Variants in CA10 observed in about 807,000 individuals in gnomAD.
CA10 encodes the protein carbonic anhydrase-related protein 10.
Under a neutral mutation model 44.2 loss-of-function variants are expected in CA10, and 14 were observed. The observed-to-expected ratio is 0.32, with a 90% CI of 0.21 to 0.50. The LOEUF (loss-of-function observed/expected upper bound fraction) is 0.50. CA10 is among the 20% of genes least tolerant of loss of function. The pLI, the probability that CA10 is intolerant of heterozygous loss-of-function variation, is 0.99. For missense variants in CA10, 350 were observed against 409.7 expected (o/e 0.85, Z 1.26); for synonymous variants, 159 against 141.6 (o/e 1.12, Z -0.87).
At chr17:51,919,407 G>A (rs1191037189) in intron 3 of CA10, among the ~76,000 whole-genome samples, 2 of 151,986 alleles carry the variant, frequency 1.3e-5, no homozygotes, top group Admixed American at 6.6e-5. Flanking sequence ...GACTGTTTCT[G>A]CCGCTGTCCA....
chr17:52,052,862 G>T (rs1022575236), intron 2 of CA10, among the ~76,000 whole-genome samples: 23 of 151,946 alleles, frequency 1.5e-4, no homozygotes, highest in African/African-American at 4.8e-4. Flanking sequence ...TATGGCATTT[G>T]CTCCCATATT....
intron 2 of CA10, among the ~76,000 whole-genome samples, chr17:51,934,574 C>T (rs981291272): frequency 2.6e-5 from 4 of 152,068 alleles, no homozygotes; most frequent in African/African-American, 4.8e-5. Context: ...TCTAAATAAA[C>T]TTAGGATTTT....
intron 4 of CA10, among the ~76,000 whole-genome samples, chr17:51,683,223 G>T (rs1914902592): frequency 6.6e-6 from 1 of 152,174 alleles, no homozygotes; most frequent in Non-Finnish European, 1.5e-5. Flanking sequence ...GACAAGATGG[G>T]TTTAAAATTT....
chr17:52,138,604 TG>T (rs1176317964), intron 1 of CA10, among the ~76,000 whole-genome samples: 1 of 152,198 alleles, frequency 6.6e-6, no homozygotes, highest in Non-Finnish European at 1.5e-5. Context: ...CAAGCAGGTT[TG>T]ATATCAAATC....
chr17:52,032,778 T>C (rs1986506313), intron 2 of CA10, among the ~76,000 whole-genome samples: 1 of 152,134 alleles, frequency 6.6e-6, no homozygotes, highest in Non-Finnish European at 1.5e-5. Flanking sequence ...ATCTCAGATT[T>C]GCCAGGGAGA....
chr17:51,676,135 G>T (rs1372914538), intron 4 of CA10, among the ~76,000 whole-genome samples: 2 of 152,158 alleles, frequency 1.3e-5, no homozygotes, highest in South Asian at 2.1e-4. Flanking sequence ...GTTATTTTGG[G>T]TATATACCTA....
chr17:51,635,770 C>A, intron 7 of CA10, 85 bp downstream of exon 7: 1 of 1,076,428 alleles, frequency 9.3e-7, no homozygotes. Flanking sequence ...TCCTAGTAAA[C>A]TATTATAATA....
intron 2 of CA10, among the ~76,000 whole-genome samples, chr17:52,026,819 T>C (rs1183297448): frequency 6.6e-6 from 1 of 152,050 alleles, no homozygotes; most frequent in Non-Finnish European, 1.5e-5. Context: ...TTATGGGAAC[T>C]ACAATTCAAT....
intron 2 of CA10, among the ~76,000 whole-genome samples, chr17:52,046,077 A>C (rs1986903858): frequency 6.6e-6 from 1 of 152,076 alleles, no homozygotes; most frequent in African/African-American, 2.4e-5. Context: ...TTGCTAATGT[A>C]GTACCTACAG....
intron 3 of CA10, among the ~76,000 whole-genome samples, chr17:51,828,523 T>C (rs900209000): frequency 4.6e-5 from 7 of 152,090 alleles, no homozygotes; most frequent in Non-Finnish European, 8.8e-5. Flanking sequence ...ATTGGGTAGA[T>C]ACTAAAAAAA....
rs559627648 is a variant in CA10 at position 51,884,024 on chromosome 17, T to C, written c.279+46966A>G. On this transcript the variant is annotated intron_variant, in intron 3 of 8. Transcript: ENST00000451037. ...ATCCCTTCATGCTCAAGAGAAACCC[T>C]TGTAGTCATCCTTGACCCTTCTTTT... 2.6e-5 allele frequency among the ~76,000 whole-genome samples: 4 copies of C among 152,320 alleles called. No individual in the cohort carries two copies. In the East Asian group the frequency reaches 5.8e-4, roughly 22 times the overall value.
At chr17:51,801,723 C>T (rs995301792) in intron 3 of CA10, among the ~76,000 whole-genome samples, 1 of 152,080 alleles carries the variant, frequency 6.6e-6, no homozygotes. Flanking sequence ...AGCAGAACTT[C>T]ATGAAAATTA....
intron 3 of CA10, among the ~76,000 whole-genome samples, chr17:51,804,821 A>T (rs997997332): frequency 6.6e-6 from 1 of 152,234 alleles, no homozygotes; most frequent in South Asian, 2.1e-4. Flanking sequence ...ACCTTAGAGA[A>T]TGCAAAATCA....
intron 3 of CA10, among the ~76,000 whole-genome samples, chr17:51,882,028 C>A (rs1386163993): frequency 6.7e-6 from 1 of 150,314 alleles, no homozygotes; most frequent in Non-Finnish European, 1.5e-5. Flanking sequence ...TCATCAATAG[C>A]CCACAGTTGA....
intron 6 of CA10, among the ~76,000 whole-genome samples, chr17:51,646,753 G>A (rs1597960394): frequency 1.3e-5 from 2 of 152,208 alleles, no homozygotes; most frequent in African/African-American, 4.8e-5. Flanking sequence ...GGACAAAAGA[G>A]AGCTGTGGTT....
intron 2 of CA10, among the ~76,000 whole-genome samples, chr17:51,937,653 G>T (rs911183834): frequency 6.6e-6 from 1 of 152,012 alleles, no homozygotes; most frequent in Admixed American, 6.6e-5. Context: ...GATGAACCAG[G>T]GATAGAAAGA....
chr17:52,073,247 T>A (rs1167521212), intron 1 of CA10, among the ~76,000 whole-genome samples: 1 of 152,210 alleles, frequency 6.6e-6, no homozygotes, highest in Non-Finnish European at 1.5e-5. Context: ...GGGGGTTTTT[T>A]TCCAGCCTTC....
intron 2 of CA10, among the ~76,000 whole-genome samples, chr17:52,012,364 T>A (rs1048108707): frequency 1.3e-5 from 2 of 151,964 alleles, no homozygotes; most frequent in Non-Finnish European, 2.9e-5. Context: ...TGAATATGGA[T>A]CTGTGAGAAA....
chr17:52,055,941 C>T (rs925842619), intron 2 of CA10, among the ~76,000 whole-genome samples: 4 of 152,118 alleles, frequency 2.6e-5, no homozygotes, highest in Middle Eastern at 3.4e-3. Context: ...CAGGTGATCA[C>T]ATGGGGAGGT....
Sources: allele counts gnomAD v4.1 joint callset (sites outside exome capture counted in the v4.1 genomes callset), GRCh38; gene constraint gnomAD v4.1.1; transcripts MANE v1.5; gene names NCBI Gene and HGNC (gene_info 2026-07-23, HGNC 2026-07-21).